CPEB1: variants seen among roughly 807,000 people sequenced by gnomAD.
CPEB1 encodes cytoplasmic polyadenylation element-binding protein 1.
Under a neutral mutation model 65.8 loss-of-function variants are expected in CPEB1, and 7 were observed. That is an observed-to-expected ratio of 0.11 (90% CI 0.06 to 0.20). The LOEUF is 0.20. CPEB1 is among the 10% of genes least tolerant of loss of function. The pLI, the probability that CPEB1 is intolerant of heterozygous loss-of-function variation, is 1.00. For missense variants in CPEB1, 551 were observed against 712.2 expected (o/e 0.77, Z 2.58); for synonymous variants, 262 against 260.0 (o/e 1.01, Z -0.08).
At position 82,547,249 on chromosome 15, in the gene CPEB1, G is replaced by T; in HGVS notation, c.1481-12C>A. 4 of 1,317,456 alleles carry T rather than the reference G, an allele frequency of 3.0e-6. No homozygotes were observed. Among genetic ancestry groups the T allele is most frequent in the South Asian group, 1.2e-5 (1 of 83,140 alleles). The allele number at this position is 1,317,456 out of a possible 1,614,324, so 81.6% of individuals were successfully genotyped here. ...CACACGACCAGAACCTAGGACAACAGACACAAGCTTCCCTTCTAACCAAAT... is the reference window on the plus strand; with the variant it reads ...CACACGACCAGAACCTAGGACAACATACACAAGCTTCCCTTCTAACCAAAT... On this transcript the variant is annotated splice_polypyrimidine_tract_variant and intron_variant, in intron 10 of 12. Coordinates refer to ENST00000684509, the MANE Select transcript of CPEB1 (RefSeq NM_001365242.1).
intron 12 of CPEB1, among the ~76,000 whole-genome samples, chr15:82,545,077 A>G (rs1399028297): frequency 6.6e-6 from 1 of 152,210 alleles, no homozygotes; most frequent in African/African-American, 2.4e-5. Flanking sequence ...GATACTGACT[A>G]AAAATTCTAA....
chr15:82,573,229 T>C, intron 3 of CPEB1: 1 of 1,410,112 alleles, frequency 7.1e-7, no homozygotes, highest in Non-Finnish European at 9.3e-7. Context: ...CTCCTTCCTT[T>C]GGAGATTTTT....
At chr15:82,640,523 T>C (rs533480044) in intron 1 of CPEB1, 1 of 152,248 alleles carries the variant, frequency 6.6e-6, no homozygotes, top group African/African-American at 2.4e-5. Context: ...GCCTAGAATG[T>C]CCTTCCCACT....
intron 3 of CPEB1, among the ~76,000 whole-genome samples, chr15:82,613,386 T>C (rs530523797): frequency 6.6e-6 from 1 of 152,222 alleles, no homozygotes; most frequent in Admixed American, 6.5e-5. Context: ...GGGGTTTTTT[T>C]GTTTTGTTTT....
rs925644468 is a variant in CPEB1 at position 82,590,647 on chromosome 15, T to C, written c.272-19115A>G. ...TTGTTTTTTCTGATCCTCTCCCTTCTCCCACCCAACATCCTCAAATGGGCA... is the reference window on the plus strand; with the variant it reads ...TTGTTTTTTCTGATCCTCTCCCTTCCCCCACCCAACATCCTCAAATGGGCA... On this transcript the variant is annotated intron_variant, in intron 3 of 12. Transcript: ENST00000684509. Among the ~76,000 whole-genome samples the C allele has an allele frequency of 4.3e-4, 66 of 152,166 alleles. 1 individual carries two copies. The highest frequency in any genetic ancestry group is 1.5e-3 in the African/African-American group (61 of 41,440).
chr15:82,578,654 G>A (rs1373983792), intron 3 of CPEB1, among the ~76,000 whole-genome samples: 1 of 151,986 alleles, frequency 6.6e-6, no homozygotes, highest in Non-Finnish European at 1.5e-5. Flanking sequence ...CTACTCAGGA[G>A]GCTGAGGCAG....
intron 4 of CPEB1, among the ~76,000 whole-genome samples, chr15:82,558,635 T>C (rs1391134399): frequency 1.3e-5 from 2 of 152,228 alleles, no homozygotes; most frequent in South Asian, 2.1e-4. Context: ...CTCTTGTATA[T>C]GTCTGTGAGC....
At chr15:82,609,740 C>T (rs2043955327) in intron 3 of CPEB1, among the ~76,000 whole-genome samples, 1 of 151,386 alleles carries the variant, frequency 6.6e-6, no homozygotes. Flanking sequence ...ACAATACTAC[C>T]AACCTTACAG....
At chr15:82,623,236 C>T (rs1235200597) in intron 3 of CPEB1, among the ~76,000 whole-genome samples, 4 of 152,232 alleles carry the variant, frequency 2.6e-5, no homozygotes, top group Admixed American at 1.3e-4. Flanking sequence ...CTCTTCCTGA[C>T]CCTATCACAG....
Position 82,625,255 on chromosome 15 carries a change from C to G in CPEB1, c.271+1938G>C, listed in dbSNP as rs145679596. ...AAAAGAGAATTGGGCTAGCTCATGA[C>G]TTACATTTTTCTTTTGTACAAGTCA... On this transcript the variant is annotated intron_variant, in intron 3 of 12. Transcript: ENST00000684509. Among the ~76,000 whole-genome samples the G allele has an allele frequency of 2.4e-3, 372 of 152,228 alleles. 3 individuals carry two copies. The highest frequency in any genetic ancestry group is 8.3e-3 in the African/African-American group (344 of 41,506).
intron 1 of CPEB1, among the ~76,000 whole-genome samples, chr15:82,645,113 G>C (rs1444809896): frequency 6.6e-6 from 1 of 152,188 alleles, no homozygotes; most frequent in Non-Finnish European, 1.5e-5. Context: ...CCTAGACCAG[G>C]GAGTTGTTTA....
intron 4 of CPEB1, among the ~76,000 whole-genome samples, chr15:82,569,020 G>A (rs554327088): frequency 2.0e-5 from 3 of 152,334 alleles, no homozygotes; most frequent in East Asian, 1.9e-4. Context: ...AGACAACAGT[G>A]TAACAGGGTA....
intron 3 of CPEB1, among the ~76,000 whole-genome samples, chr15:82,580,996 T>C (rs2041230242): frequency 6.6e-6 from 1 of 151,904 alleles, no homozygotes; most frequent in Admixed American, 6.6e-5. Flanking sequence ...GGACCACAGG[T>C]GCATGTCACC....
upstream of CPEB1, chr15:82,647,915 C>T (rs963364205): frequency 9.8e-6 from 12 of 1,227,794 alleles, no homozygotes; most frequent in Non-Finnish European, 1.2e-5. Context: ...ACCGGCCAGC[C>T]GGCGGGCGAG....
intron 3 of CPEB1, among the ~76,000 whole-genome samples, chr15:82,575,649 C>T (rs2040571269): frequency 6.6e-6 from 1 of 152,232 alleles, no homozygotes; most frequent in Admixed American, 6.5e-5. Flanking sequence ...AAGCACTTCA[C>T]AAGGATTATA....
chr15:82,582,738 T>TC (rs2041405985), intron 3 of CPEB1, among the ~76,000 whole-genome samples: 1 of 19,126 alleles, frequency 5.2e-5, no homozygotes, highest in Non-Finnish European at 1.1e-4. Context: ...CTAGGAGTTC[T>TC]TTTTTTTTTT....
At chr15:82,627,487 C>CACTT (rs1567232188) in intron 2 of CPEB1, 120 bp from the exon 3 acceptor site, 1 of 694,780 alleles carries the variant, frequency 1.4e-6, no homozygotes, top group Non-Finnish European at 2.3e-6. Context: ...TACATTAAAA[C>CACTT]ACTTAATGAG....
intron 3 of CPEB1, chr15:82,583,583 T>C (rs904412733): frequency 3.9e-5 from 6 of 152,232 alleles, no homozygotes; most frequent in Non-Finnish European, 7.3e-5. Flanking sequence ...TCAAAAGATT[T>C]ATTCTTTGAT....
At chr15:82,607,481 G>A (rs538135718) in intron 3 of CPEB1, among the ~76,000 whole-genome samples, 4 of 152,062 alleles carry the variant, frequency 2.6e-5, no homozygotes, top group African/African-American at 7.2e-5. Context: ...TCAGCTACTC[G>A]GGAGGCTGAG....
Sources: allele counts gnomAD v4.1 joint callset (sites outside exome capture counted in the v4.1 genomes callset), GRCh38; gene constraint gnomAD v4.1.1; transcripts MANE v1.5; gene names NCBI Gene and HGNC (gene_info 2026-07-23, HGNC 2026-07-21).